XAF1: variants seen among roughly 807,000 people sequenced by gnomAD.
The protein encoded by XAF1 is XIAP-associated factor 1.
In XAF1, 32 loss-of-function variants were observed where a neutral mutation model predicts 32.3. That is an observed-to-expected ratio of 0.99 (90% CI 0.75 to 1.33). The LOEUF (loss-of-function observed/expected upper bound fraction) is 1.33. Among genes scored for constraint, XAF1 ranks in the 40% most tolerant of loss-of-function variants. The pLI, the probability that XAF1 is intolerant of heterozygous loss-of-function variation, is 0.00. For missense variants in XAF1, 379 were observed against 366.0 expected, an observed-to-expected ratio of 1.04 and a Z score of -0.29; for synonymous variants, 120 against 125.9, an observed-to-expected ratio of 0.95 and a Z score of 0.31.
At chr17:6,760,220 C>T (rs995211322) in intron 3 of XAF1, among the ~76,000 whole-genome samples, 186 bp from the exon 4 acceptor site, 1 of 152,160 alleles carries the variant, frequency 6.6e-6, no homozygotes, top group East Asian at 1.9e-4. Context: ...TGGTGGCACA[C>T]GCCTGTGGTC....
rs377304300 is a variant in XAF1 at position 6,761,514 on chromosome 17, G to C, written c.422-641G>C. Among the ~76,000 whole-genome samples, 16 of 152,248 alleles carry C rather than the reference G, an allele frequency of 1.1e-4. No individual in the cohort carries two copies. The East Asian group carries it at 2.5e-3, about 24-fold the overall frequency. ...AACCATCAGTGTGACAGATCCTTTG[G>C]TGTCTTTGCTAGTTGTTTTGGTAAC... is the stretch of plus-strand genomic sequence containing the variant. On this transcript the variant is annotated intron_variant, in intron 4 of 6. Transcript: ENST00000361842.
chr17:6,771,701 T>A (rs1027774583), intron 6 of XAF1: 2 of 152,224 alleles, frequency 1.3e-5, no homozygotes, highest in Non-Finnish European at 2.9e-5. Flanking sequence ...CTCCAAAGTT[T>A]ATGCTCTTAA....
rs141501429 is a variant in XAF1, at chr17:6,770,676, C to T, written c.541C>T (p.His181Tyr). The change falls in exon 6 of 7, where the codon CAC (histidine) becomes TAC (tyrosine). Residue 181 changes from histidine (H) to tyrosine (Y), a missense_variant. Coordinates refer to ENST00000361842, the MANE Select transcript of XAF1 (RefSeq NM_017523.5). The stretch of plus-strand genomic sequence containing the variant: ...TTGTCCAGACTCAGAGTTTAAGAAA[C>T]ACTTTCCTGTTGGAAATCCAGAAAT... ...KCCPDSEFKK[H>Y]FPVGNPEILP... The T allele has an allele frequency of 4.4e-6, 7 of 1,606,160 alleles. No individual in the cohort carries two copies. In the African/African-American group the frequency reaches 9.4e-5, roughly 22 times the overall value.
At chr17:6,760,752 C>A in intron 4 of XAF1, 151 bp downstream of exon 4, 1 of 904,742 alleles carries the variant, frequency 1.1e-6, no homozygotes, top group Non-Finnish European at 1.7e-6. Flanking sequence ...AATTCTAAAC[C>A]ATGCCTCAGA....
chr17:6,761,918 A>G (rs1439393539), intron 4 of XAF1: 1 of 1,501,626 alleles, frequency 6.7e-7, no homozygotes, highest in African/African-American at 1.4e-5. Flanking sequence ...ATGTCTCTCC[A>G]TTACGGTTGC....
At chr17:6,755,909 G>A, upstream of XAF1, 18 of 1,455,492 alleles carry the variant, frequency 1.2e-5, no homozygotes, top group Non-Finnish European at 1.6e-5. Flanking sequence ...TGCTGTAAAG[G>A]GGCTTCTTGG....
At chr17:6,764,575 T>C (rs1041894618) in intron 5 of XAF1, among the ~76,000 whole-genome samples, 1 of 152,216 alleles carries the variant, frequency 6.6e-6, no homozygotes, top group African/African-American at 2.4e-5. Context: ...AAGAATTTTT[T>C]TTTAATTTTG....
rs1292999049 is a variant in XAF1, at chr17:6,759,448, A to G, written c.169-214A>G. The stretch of plus-strand genomic sequence containing the variant: ...TCTCTGGAGATACTCAAGCTCAGGC[A>G]GCCGTTGCCAACTCAGACTGGTCTG... On this transcript the variant is annotated intron_variant, in intron 2 of 6. Transcript: ENST00000361842. The G allele has an allele frequency of 8.5e-6, 12 of 1,419,300 alleles. No individual in the cohort carries two copies. In the South Asian group the frequency reaches 1.4e-4, roughly 17 times the overall value. The allele number at this position is 1,419,300 out of a possible 1,614,324, so 87.9% of individuals were successfully genotyped here.
intron 2 of XAF1, chr17:6,758,983 A>AG: frequency 3.5e-6 from 1 of 283,480 alleles, no homozygotes; most frequent in African/African-American, 2.5e-5. Context: ...TGGGAGGGGC[A>AG]AGTGTTCCAT....
upstream of XAF1, chr17:6,755,772 G>A (rs1409508515): frequency 1.7e-6 from 2 of 1,184,326 alleles, no homozygotes; most frequent in African/African-American, 3.1e-5. Flanking sequence ...CAGCCAGCCA[G>A]GGTGAGGGAA....
At chr17:6,771,326 A>T (rs756715760) in intron 6 of XAF1, 4 of 206,992 alleles carry the variant, frequency 1.9e-5, no homozygotes, top group Non-Finnish European at 3.9e-5. Context: ...TACCCAGTCT[A>T]TCTCTCTCAT....
chr17:6,771,150 A>T, intron 6 of XAF1, 166 bp downstream of exon 6: 1 of 638,000 alleles, frequency 1.6e-6, no homozygotes. Flanking sequence ...AGCACTTACC[A>T]CCTGGTTTAT....
upstream of XAF1, chr17:6,755,650 T>C (rs955461): frequency 0.46 from 468,951 of 1,028,986 alleles, 110,706 homozygotes; most frequent in African/African-American, 0.78. Flanking sequence ...AAGCTCAACA[T>C]GGCAAGTTCC....
In XAF1 at chr17:6,770,982, C is replaced by T. The variant is rs377021489; in HGVS notation, c.847C>T (p.Gln283Ter). Residue 283 changes from glutamine (Q) to a stop codon, truncating the protein, a stop_gained and splice_region_variant, in exon 6 of 7, where the codon CAG becomes TAG. Coordinates refer to ENST00000361842, the MANE Select transcript of XAF1 (RefSeq NM_017523.5). LOFTEE classifies it high-confidence loss of function. ...TCCCCTGCCGATCCTAAATCAACATCAGGTACTCAGCCTCTGTTCTCTGCT... is the reference window on the plus strand; with the variant it reads ...TCCCCTGCCGATCCTAAATCAACATTAGGTACTCAGCCTCTGTTCTCTGCT... ...LLPLPILNQH[Q>*]EKCRWLASSK... The T allele has an allele frequency of 2.5e-5, 41 of 1,614,032 alleles. No individual in the cohort carries two copies. In the African/African-American group the frequency reaches 3.7e-4, roughly 15 times the overall value.
chr17:6,769,463 T>G (rs1229781015), intron 5 of XAF1, among the ~76,000 whole-genome samples: 2 of 152,222 alleles, frequency 1.3e-5, no homozygotes. Flanking sequence ...GTTCTGTTTT[T>G]CATGAGATGT....
At chr17:6,763,078 A>T (rs1181863484) in intron 5 of XAF1, among the ~76,000 whole-genome samples, 2 of 152,182 alleles carry the variant, frequency 1.3e-5, no homozygotes, top group Non-Finnish European at 2.9e-5. Flanking sequence ...GAATATTTTC[A>T]TCATTCCAAA....
At chr17:6,771,795 A>C (rs768839898) in intron 6 of XAF1, 3 of 152,178 alleles carry the variant, frequency 2.0e-5, no homozygotes, top group Non-Finnish European at 4.4e-5. Context: ...TAGTTGATAT[A>C]ATATCATATA....
intron 5 of XAF1, among the ~76,000 whole-genome samples, chr17:6,763,499 TG>T (rs1233122127): frequency 1.3e-5 from 2 of 152,128 alleles, no homozygotes; most frequent in Non-Finnish European, 2.9e-5. Context: ...GGCTAATTTT[TG>T]TATTTTTTTT....
intron 5 of XAF1, among the ~76,000 whole-genome samples, chr17:6,766,293 C>A (rs1975624211): frequency 6.6e-6 from 1 of 152,162 alleles, no homozygotes; most frequent in South Asian, 2.1e-4. Context: ...CTTATTATGG[C>A]CCTTGTTAAT....
Sources: allele counts gnomAD v4.1 joint callset (sites outside exome capture counted in the v4.1 genomes callset), GRCh38; gene constraint gnomAD v4.1.1; transcripts MANE v1.5; gene names NCBI Gene and HGNC (gene_info 2026-07-23, HGNC 2026-07-21).